DOCK1: variants seen among roughly 807,000 people sequenced by gnomAD.
DOCK1 encodes the protein dedicator of cytokinesis 1.
A neutral mutation model predicts 262.7 loss-of-function variants in DOCK1; 138 were observed. The ratio of observed to expected loss-of-function variants is 0.53; its 90% CI spans 0.46 to 0.61. DOCK1 has a LOEUF of 0.61. Among genes scored for constraint, DOCK1 ranks in the 20% least tolerant of loss-of-function variants. The pLI, the probability that DOCK1 is intolerant of heterozygous loss-of-function variation, is 0.00. For synonymous variants in DOCK1, 866 were observed against 867.4 expected (o/e 1.00, Z 0.03); for missense variants, 1,908 against 2,370.7 (o/e 0.80, Z 4.05).
intron 1 of DOCK1, among the ~76,000 whole-genome samples, chr10:126,964,338 G>A (rs972173002): frequency 8.1e-4 from 124 of 152,208 alleles, no homozygotes; most frequent in Non-Finnish European, 1.1e-3. Flanking sequence ...GTGGACCAGC[G>A]CAGGGGCCTA....
At chr10:127,384,431 C>A (rs912866612) in intron 37 of DOCK1, among the ~76,000 whole-genome samples, 2 of 152,220 alleles carry the variant, frequency 1.3e-5, no homozygotes, top group African/African-American at 4.8e-5. Context: ...CCAACCCACG[C>A]AGCACTGAGA....
chr10:127,336,539 T>G (rs1346642239), intron 29 of DOCK1, among the ~76,000 whole-genome samples: 7 of 151,772 alleles, frequency 4.6e-5, no homozygotes. Context: ...TACATAGTTT[T>G]TTTTTTTTTT....
chr10:127,296,074 G>C (rs897096722), intron 29 of DOCK1, among the ~76,000 whole-genome samples: 4 of 152,280 alleles, frequency 2.6e-5, no homozygotes, highest in Admixed American at 2.0e-4. Context: ...CCTCTGGTCT[G>C]AAATGAGCAG....
At chr10:126,960,074 G>A (rs955913177) in intron 1 of DOCK1, among the ~76,000 whole-genome samples, 48 of 152,260 alleles carry the variant, frequency 3.2e-4, no homozygotes, top group Non-Finnish European at 6.0e-4. Context: ...TTACAGGCAC[G>A]AGCCACCGCA....
intron 35 of DOCK1, among the ~76,000 whole-genome samples, chr10:127,377,766 C>T: frequency 6.6e-6 from 1 of 151,928 alleles, no homozygotes; most frequent in African/African-American, 2.4e-5. Flanking sequence ...GTGTTGGGTG[C>T]CTGTAATCCC....
At position 126,971,925 on chromosome 10, in the gene DOCK1, G is replaced by A. The variant is rs193286768; in HGVS notation, c.130+1140G>A. Among the ~76,000 whole-genome samples, 154 of 149,536 alleles carry A rather than the reference G, an allele frequency of 1.0e-3. 1 individual carries two copies. Among genetic ancestry groups the A allele is most frequent in the African/African-American group, 3.7e-3 (150 of 40,744 alleles). On this transcript the variant is annotated intron_variant, in intron 2 of 51. Coordinates refer to ENST00000623213, the MANE Select transcript of DOCK1 (RefSeq NM_001290223.2). ...GTCCAATGAAGCAATATTTTTTTTT[G>A]TTTTTTTTGAGACGGAGTTTTGCTC...
chr10:127,015,257 G>A (rs959205901), intron 12 of DOCK1: 1 of 151,672 alleles, frequency 6.6e-6, no homozygotes, highest in African/African-American at 2.4e-5. Flanking sequence ...TAATACATCT[G>A]TCTCTGTCTA....
At chr10:127,035,037 G>A (rs1460123258) in intron 18 of DOCK1, among the ~76,000 whole-genome samples, 4 of 152,152 alleles carry the variant, frequency 2.6e-5, no homozygotes, top group South Asian at 2.1e-4. Flanking sequence ...AGGAAATTCC[G>A]ATGTGATGCC....
chr10:127,077,161 G>A (rs1304416256), intron 23 of DOCK1, among the ~76,000 whole-genome samples: 1 of 152,152 alleles, frequency 6.6e-6, no homozygotes. Flanking sequence ...TTGGGAGGCT[G>A]AGGTGGGTGG....
chr10:127,268,907 C>T (rs1278726848), intron 29 of DOCK1, among the ~76,000 whole-genome samples: 1 of 152,146 alleles, frequency 6.6e-6, no homozygotes, highest in Non-Finnish European at 1.5e-5. Flanking sequence ...AGAGCCTGTT[C>T]TCAGGGTGCT....
At chr10:126,981,798 C>A in intron 3 of DOCK1, 120 bp from the exon 4 acceptor site, 1 of 920,530 alleles carries the variant, frequency 1.1e-6, no homozygotes, top group Non-Finnish European at 1.6e-6. Flanking sequence ...TATGTTAAGA[C>A]TTAAAAAATT....
chr10:127,335,008 C>T (rs994774342), intron 29 of DOCK1, among the ~76,000 whole-genome samples: 1 of 152,174 alleles, frequency 6.6e-6, no homozygotes, highest in African/African-American at 2.4e-5. Context: ...CTCTAGCCTC[C>T]CTGAGGCCTC....
chr10:126,916,688 C>T (rs78835985), intron 1 of DOCK1, among the ~76,000 whole-genome samples: 12,869 of 151,910 alleles, frequency 0.085, 741 homozygotes, highest in East Asian at 0.15. Flanking sequence ...TTCCTTTCCT[C>T]CTTCCTTTCC....
intron 27 of DOCK1, among the ~76,000 whole-genome samples, chr10:127,214,016 A>G (rs1564908671): frequency 1.3e-5 from 2 of 151,356 alleles, no homozygotes; most frequent in East Asian, 3.9e-4. Flanking sequence ...ATTTTTTTGT[A>G]TTTTTTTTCT....
chr10:126,923,002 G>A (rs1158302149), intron 1 of DOCK1, among the ~76,000 whole-genome samples: 1 of 152,132 alleles, frequency 6.6e-6, no homozygotes, highest in Admixed American at 6.5e-5. Flanking sequence ...CCAGCTACTC[G>A]GGAGGCTGAG....
At chr10:126,952,347 G>A (rs1013309339) in intron 1 of DOCK1, among the ~76,000 whole-genome samples, 7 of 151,648 alleles carry the variant, frequency 4.6e-5, no homozygotes, top group Non-Finnish European at 8.8e-5. Context: ...GGTGATGGTG[G>A]TGGTAATATT....
At chr10:127,374,277 T>C in intron 35 of DOCK1, 63 bp downstream of exon 35, 3 of 1,533,696 alleles carry the variant, frequency 2.0e-6, no homozygotes, top group Admixed American at 2.1e-5. Flanking sequence ...GAAGCGGGGA[T>C]TGCCCCAGCC....
chr10:127,081,382 T>C (rs1451850498), intron 23 of DOCK1, among the ~76,000 whole-genome samples: 1 of 151,976 alleles, frequency 6.6e-6, no homozygotes, highest in African/African-American at 2.4e-5. Flanking sequence ...TTTTTTTTTT[T>C]TGCCTGTTTG....
intron 1 of DOCK1, among the ~76,000 whole-genome samples, chr10:126,917,750 C>T (rs2032672164): frequency 6.6e-6 from 1 of 151,978 alleles, no homozygotes; most frequent in Non-Finnish European, 1.5e-5. Context: ...GGCCTGGGAG[C>T]CCTAGGTGGA....
Sources: allele counts gnomAD v4.1 joint callset (sites outside exome capture counted in the v4.1 genomes callset), GRCh38; gene constraint gnomAD v4.1.1; transcripts MANE v1.5; gene names NCBI Gene and HGNC (gene_info 2026-07-23, HGNC 2026-07-21).